Variants in ANKRD13D observed in about 807,000 individuals in gnomAD.
The protein encoded by ANKRD13D is ankyrin repeat domain-containing protein 13D.
ANKRD13D carries 24 observed loss-of-function variants against 68.8 expected under a neutral mutation model. The ratio of observed to expected loss-of-function variants is 0.35; its 90% CI spans 0.25 to 0.49. The LOEUF (loss-of-function observed/expected upper bound fraction) is 0.49. ANKRD13D is among the 20% of genes least tolerant of loss of function. The pLI is 0.99. For synonymous variants in ANKRD13D, 331 were observed against 336.1 expected (o/e 0.98, Z 0.16); for missense variants, 735 against 832.1 (o/e 0.88, Z 1.44).
Position 67,289,364 on chromosome 11 carries a change from C to G in ANKRD13D, c.-97C>G. ...GCCGCCGCTACTGCTGCGGGGGCCG[C>G]GGGGGGCGCAGCTGGGGCGCGGCTC... On this transcript the variant is annotated 5_prime_UTR_variant, in exon 1 of 15. Coordinates refer to ENST00000511455, the MANE Select transcript of ANKRD13D (RefSeq NM_207354.3). 1.1e-6 allele frequency: 1 copy of G among 902,714 alleles called. No homozygotes were observed. Among genetic ancestry groups the G allele is most frequent in the South Asian group, 5.2e-5 (1 of 19,214 alleles). The allele number at this position is 902,714 out of a possible 1,614,324, so 55.9% of individuals were successfully genotyped here. A position where few individuals can be genotyped will look rare whatever the true frequency, so the allele number is the denominator to read the frequency against.
intron 3 of ANKRD13D, 110 bp downstream of exon 3, chr11:67,290,556 G>T (rs1444952191): frequency 8.4e-6 from 12 of 1,435,248 alleles, no homozygotes; most frequent in African/African-American, 1.4e-5. Flanking sequence ...TGTGCCTCCT[G>T]CCACCAGCAA....
chr11:67,295,935 A>G (rs1466176308), intron 6 of ANKRD13D, among the ~76,000 whole-genome samples: 1 of 152,196 alleles, frequency 6.6e-6, no homozygotes, highest in Non-Finnish European at 1.5e-5. Flanking sequence ...TGTTTTTATC[A>G]TGAAAGGATG....
rs772870483 is a variant in ANKRD13D at position 67,300,014 on chromosome 11, A to C, written c.964A>C (p.Ser322Arg). 6.2e-7 allele frequency: 1 copy of C among 1,613,430 alleles called. No individual in the cohort carries two copies. The highest frequency in any genetic ancestry group is 8.5e-7 in the Non-Finnish European group (1 of 1,179,644). Residue 322 changes from serine to arginine, a missense_variant, in exon 10 of 15, where the codon AGC becomes CGC. Transcript: ENST00000511455. This position sits in a 1 kb window ranked among gnomAD's most constrained non-coding sequence, Gnocchi z 4.3. ...HTGAPVQQAA[S>R]PTNPTAISPE... ...GCAGGCCCCCGTGCAGCAGGCAGCC[A>C]GCCCCACCAACCCCACAGCCATCTC...
chr11:67,297,153 T>C (rs1340546724), intron 6 of ANKRD13D, among the ~76,000 whole-genome samples: 1 of 152,210 alleles, frequency 6.6e-6, no homozygotes, highest in Non-Finnish European at 1.5e-5. Context: ...AGGTTATTGA[T>C]TTGAGATCTT....
intron 1 of ANKRD13D, 161 bp from the exon 2 acceptor site, chr11:67,289,917 C>T: frequency 6.9e-7 from 1 of 1,442,564 alleles, no homozygotes; most frequent in Non-Finnish European, 9.1e-7. Context: ...CCTCCTGCCC[C>T]CTCCTCTCCC....
chr11:67,300,918 G>GA lies in ANKRD13D; in HGVS notation c.1074-70dup. Reference sequence around the variant, plus strand: ...AAGGTGGGTAAAGGCAGCTGCCCACGAACCAGAGGGCAGTCCTCAATGGAA... The same window carrying GA: ...AAGGTGGGTAAAGGCAGCTGCCCACGAAACCAGAGGGCAGTCCTCAATGGAA... On this transcript the variant is annotated intron_variant, in intron 10 of 14. Coordinates refer to ENST00000511455, the MANE Select transcript of ANKRD13D (RefSeq NM_207354.3). The surrounding 1 kb of genome is among the most constrained non-coding windows in gnomAD (Gnocchi z 4.3). 2 of 1,565,774 alleles carry GA rather than the reference G, an allele frequency of 1.3e-6. No homozygotes were observed. The highest frequency in any genetic ancestry group is 1.7e-6 in the Non-Finnish European group (2 of 1,150,704).
At chr11:67,295,472 C>A (rs1373082362) in intron 6 of ANKRD13D, among the ~76,000 whole-genome samples, 1 of 151,420 alleles carries the variant, frequency 6.6e-6, no homozygotes, top group Admixed American at 6.6e-5. Context: ...CGCCTGTAAT[C>A]CCAGAACTTT....
At chr11:67,292,736 A>C (rs143336561) in intron 6 of ANKRD13D, among the ~76,000 whole-genome samples, 2 of 152,322 alleles carry the variant, frequency 1.3e-5, no homozygotes, top group East Asian at 3.9e-4. Context: ...AGATTTGTAC[A>C]TCACCACAGT....
intron 3 of ANKRD13D, 89 bp from the exon 4 acceptor site, chr11:67,291,386 AG>A: frequency 9.3e-7 from 1 of 1,078,128 alleles, no homozygotes; most frequent in Non-Finnish European, 1.4e-6. Context: ...GACCTGATGA[AG>A]GGCTGGGCTG....
chr11:67,290,762 T>C (rs1786942797), intron 3 of ANKRD13D: 1 of 297,242 alleles, frequency 3.4e-6, no homozygotes, highest in East Asian at 6.9e-5. Flanking sequence ...TACTTGCTAC[T>C]ACGCACCCTT....
rs1860956928 is a variant in ANKRD13D at position 67,300,955 on chromosome 11, C to T, written c.1074-35C>T. ...AGTCCTCAATGGAAGGGCCACCAGC[C>T]GTGCCTCACCCATGTCCTGTGGTCG... On this transcript the variant is annotated intron_variant, in intron 10 of 14. Transcript: ENST00000511455. This position sits in a 1 kb window ranked among gnomAD's most constrained non-coding sequence, Gnocchi z 4.3. 4 of 1,610,176 alleles carry T rather than the reference C, an allele frequency of 2.5e-6. No individual in the cohort carries two copies. Among genetic ancestry groups the T allele is most frequent in the South Asian group, 1.1e-5 (1 of 90,750 alleles).
intron 1 of ANKRD13D, 177 bp from the exon 2 acceptor site, chr11:67,289,901 G>C: frequency 7.0e-7 from 1 of 1,435,816 alleles, no homozygotes; most frequent in Non-Finnish European, 9.1e-7. Context: ...CTCTGCCCCT[G>C]CCTTCCCTCC....
intron 6 of ANKRD13D, among the ~76,000 whole-genome samples, chr11:67,297,484 C>T (rs183794538): frequency 3.2e-4 from 49 of 151,412 alleles, no homozygotes; most frequent in African/African-American, 1.1e-3. Context: ...CGTGAGCCAC[C>T]GGGCCTGGCC....
In ANKRD13D at chr11:67,289,451, G is replaced by C. The variant is rs1257489045; in HGVS notation, c.-10G>C. On this transcript the variant is annotated 5_prime_UTR_variant, in exon 1 of 15. The change abolishes the stop of an existing upstream ORF in the 5' untranslated region. Transcript: ENST00000511455. Reference sequence around the variant, plus strand: ...CGAGGCGGGGCCGGGATGCGGCGCTGAGGCCCAGCATGGCCGGCCCGGGCC... The same window carrying C: ...CGAGGCGGGGCCGGGATGCGGCGCTCAGGCCCAGCATGGCCGGCCCGGGCC... The C allele has an allele frequency of 6.8e-7, 1 of 1,465,998 alleles. No individual in the cohort carries two copies. The highest frequency in any genetic ancestry group is 1.5e-5 in the African/African-American group (1 of 67,818). The allele number at this position is 1,465,998 out of a possible 1,614,324, so 90.8% of individuals were successfully genotyped here. A position where few individuals can be genotyped will look rare whatever the true frequency, so the allele number is the denominator to read the frequency against.
At chr11:67,296,160 G>A (rs555466691) in intron 6 of ANKRD13D, among the ~76,000 whole-genome samples, 4 of 152,296 alleles carry the variant, frequency 2.6e-5, no homozygotes, top group Non-Finnish European at 5.9e-5. Context: ...ATTCATAAGT[G>A]ATATTGGTCT....
At chr11:67,291,914 T>C in intron 5 of ANKRD13D, 77 bp from the exon 6 acceptor site, 1 of 1,519,258 alleles carries the variant, frequency 6.6e-7, no homozygotes. Flanking sequence ...TGGCTGAGGG[T>C]ACATGATCGC....
At chr11:67,294,705 T>C (rs1860698292) in intron 6 of ANKRD13D, among the ~76,000 whole-genome samples, 2 of 152,122 alleles carry the variant, frequency 1.3e-5, no homozygotes, top group South Asian at 2.1e-4. Flanking sequence ...CACTCCTTGC[T>C]AATTTTTGCA....
In ANKRD13D at chr11:67,289,445, G is replaced by C; in HGVS notation, c.-16G>C. 6.9e-7 allele frequency: 1 copy of C among 1,441,690 alleles called. No homozygotes were observed. The highest frequency in any genetic ancestry group is 9.1e-7 in the Non-Finnish European group (1 of 1,103,792). 89.3% of individuals were successfully genotyped at this position (1,441,690 alleles called of 1,614,324 possible). ...CGAAGCCGAGGCGGGGCCGGGATGC[G>C]GCGCTGAGGCCCAGCATGGCCGGCC... On this transcript the variant is annotated 5_prime_UTR_variant, in exon 1 of 15. Transcript: ENST00000511455.
Position 67,298,840 on chromosome 11 carries a change from T to G in ANKRD13D, c.732-218T>G, listed in dbSNP as rs538319551. 1.4e-5 allele frequency: 8 copies of G among 582,272 alleles called. No homozygotes were observed. In the African/African-American group the frequency reaches 1.5e-4, roughly 11 times the overall value. The allele number at this position is 582,272 out of a possible 1,614,324, so 36.1% of individuals were successfully genotyped here. A position where few individuals can be genotyped will look rare whatever the true frequency, so the allele number is the denominator to read the frequency against. On this transcript the variant is annotated intron_variant, in intron 6 of 14. Coordinates refer to ENST00000511455, the MANE Select transcript of ANKRD13D (RefSeq NM_207354.3). ...CCGACACTATCATACCTCACAAGAT[T>G]CATGCTAATTCCTCAGTGTCTTCTA...
Sources: allele counts gnomAD v4.1 joint callset (sites outside exome capture counted in the v4.1 genomes callset), GRCh38; gene constraint gnomAD v4.1.1; non-coding constraint Gnocchi (gnomAD v3.1); transcripts MANE v1.5; gene names NCBI Gene and HGNC (gene_info 2026-07-23, HGNC 2026-07-21).